Variants in CHORDC1 observed in about 807,000 individuals in gnomAD.
CHORDC1 encodes the protein cysteine and histidine-rich domain-containing protein 1.
A neutral mutation model predicts 48.3 loss-of-function variants in CHORDC1; 25 were observed. That is an observed-to-expected ratio of 0.52 (90% confidence interval 0.38 to 0.72). The LOEUF is 0.72. CHORDC1 is among the 30% of genes least tolerant of loss of function. The pLI, the probability that CHORDC1 is intolerant of heterozygous loss-of-function variation, is 0.00. For missense variants in CHORDC1, 317 were observed against 388.7 expected (o/e 0.82, Z 1.55); for synonymous variants, 128 against 126.4 (o/e 1.01, Z -0.09).
intron 9 of CHORDC1, 83 bp downstream of exon 9, chr11:90,203,225 T>A (rs1021613615): frequency 2.0e-5 from 26 of 1,299,996 alleles, no homozygotes; most frequent in African/African-American, 2.9e-5. Flanking sequence ...TCAGCTGAGA[T>A]ATAAACAATA....
chr11:90,219,724 T>G (rs952661340), intron 1 of CHORDC1, among the ~76,000 whole-genome samples: 6 of 152,226 alleles, frequency 3.9e-5, no homozygotes, highest in Admixed American at 6.5e-5. Flanking sequence ...GCTCTAAGGC[T>G]GTGAGACCCC....
At chr11:90,215,634 TTTAG>T (rs71307209) in intron 2 of CHORDC1, among the ~76,000 whole-genome samples, 2 of 151,344 alleles carry the variant, frequency 1.3e-5, no homozygotes, top group African/African-American at 2.4e-5. Context: ...AGTAACTATC[TTTAG>T]TTAATTTTAA....
At chr11:90,203,153 T>TA (rs1346694112) in intron 9 of CHORDC1, among the ~76,000 whole-genome samples, 155 bp downstream of exon 9, 8 of 152,162 alleles carry the variant, frequency 5.3e-5, no homozygotes, top group African/African-American at 1.9e-4. Context: ...TCATTTAAAA[T>TA]AGTTTCATAG....
At chr11:90,213,197 A>C (rs1175985668) in intron 4 of CHORDC1, 2 of 440,350 alleles carry the variant, frequency 4.5e-6, no homozygotes, top group Non-Finnish European at 8.1e-6. Context: ...AAACATCTAA[A>C]GTCTCTTAGG....
intron 6 of CHORDC1, among the ~76,000 whole-genome samples, chr11:90,210,213 T>C (rs1857821814): frequency 6.6e-6 from 1 of 152,224 alleles, no homozygotes; most frequent in African/African-American, 2.4e-5. Flanking sequence ...ACCTATTTGT[T>C]GCTCTTCTCC....
At chr11:90,203,751 C>G (rs1428176434) in intron 8 of CHORDC1, among the ~76,000 whole-genome samples, 1 of 152,078 alleles carries the variant, frequency 6.6e-6, no homozygotes, top group Non-Finnish European at 1.5e-5. Flanking sequence ...CATTCTGTAA[C>G]CTACTAAGTA....
intron 8 of CHORDC1, among the ~76,000 whole-genome samples, chr11:90,204,843 A>G (rs550044775): frequency 6.6e-6 from 1 of 152,310 alleles, no homozygotes; most frequent in Admixed American, 6.5e-5. Context: ...TTGAGCAATA[A>G]GTTGCTCATC....
At chr11:90,218,496 T>C (rs893383893) in intron 1 of CHORDC1, among the ~76,000 whole-genome samples, 3 of 152,180 alleles carry the variant, frequency 2.0e-5, no homozygotes, top group African/African-American at 7.2e-5. Flanking sequence ...CCCCCAAATT[T>C]TGACCATCAT....
At chr11:90,222,783 G>A (rs771346805) in intron 1 of CHORDC1, 108 bp downstream of exon 1, 5 of 1,041,580 alleles carry the variant, frequency 4.8e-6, no homozygotes, top group South Asian at 4.1e-5. Context: ...ATGGACCTGG[G>A]GCCGCGCGAG....
At chr11:90,219,561 G>A (rs1476021440) in intron 1 of CHORDC1, among the ~76,000 whole-genome samples, 1 of 152,182 alleles carries the variant, frequency 6.6e-6, no homozygotes, top group Non-Finnish European at 1.5e-5. Context: ...CCCACCCAGG[G>A]CGGAAAAACA....
chr11:90,210,546 C>G lies in CHORDC1; in HGVS notation c.482G>C (p.Gly161Ala). 6.3e-7 allele frequency: 1 copy of G among 1,589,284 alleles called. No homozygotes were observed. The highest frequency in any genetic ancestry group is 8.6e-7 in the Non-Finnish European group (1 of 1,159,936). ...IKIGTSCKNG[G>A]CSKTYQGLES... ...TCTTGTGATATATACCTTTGAACAC[C>G]CTCCATTCTTACATGAGGTCCCAAT... Residue 161 changes from glycine (G) to alanine (A), a missense_variant, in exon 6 of 11, where the codon GGG becomes GCG. Transcript: ENST00000320585.
chr11:90,206,146 G>T, intron 7 of CHORDC1, 56 bp downstream of exon 7: 1 of 1,046,100 alleles, frequency 9.6e-7, no homozygotes, highest in Non-Finnish European at 1.5e-6. Context: ...AAGACAGAAA[G>T]GTTTAACTTT....
At chr11:90,210,827 T>C in intron 5 of CHORDC1, 1 of 441,892 alleles carries the variant, frequency 2.3e-6, no homozygotes, top group Non-Finnish European at 4.0e-6. Context: ...ATATCCAGTA[T>C]CTTAACTTTG....
At chr11:90,206,827 A>G (rs762000185) in intron 6 of CHORDC1, 5 of 1,247,264 alleles carry the variant, frequency 4.0e-6, no homozygotes, top group Non-Finnish European at 5.3e-6. Flanking sequence ...ATGAATTCAC[A>G]AAAAATTATG....
rs1430177877 is a variant in CHORDC1 at position 90,201,916 on chromosome 11, T to C, written c.*489A>G. The C allele has an allele frequency of 2.0e-5, 3 of 152,322 alleles. No homozygotes were observed. Among genetic ancestry groups the C allele is most frequent in the African/African-American group, 7.2e-5 (3 of 41,422 alleles). The allele number at this position is 152,322 out of a possible 1,614,324, so 9.4% of individuals were successfully genotyped here. ...ATACTACCTCAGAATTAATCCTCCT[T>C]AAAAAAGTAATCATCCCACATAGAA... is the stretch of plus-strand genomic sequence containing the variant. On this transcript the variant is annotated 3_prime_UTR_variant, in exon 11 of 11. Transcript: ENST00000320585.
chr11:90,218,708 C>G (rs1056948067), intron 1 of CHORDC1, among the ~76,000 whole-genome samples: 3 of 152,150 alleles, frequency 2.0e-5, no homozygotes, highest in Non-Finnish European at 4.4e-5. Flanking sequence ...ACAAACCTCA[C>G]TAAAAAGAAG....
At chr11:90,207,842 C>T (rs924634774) in intron 6 of CHORDC1, 13 of 145,404 alleles carry the variant, frequency 8.9e-5, no homozygotes, top group Admixed American at 2.1e-4. Context: ...GCCTCACATA[C>T]TGCTGGTAGA....
intron 5 of CHORDC1, 193 bp from the exon 6 acceptor site, chr11:90,210,787 A>G: frequency 1.8e-6 from 1 of 543,162 alleles, no homozygotes; most frequent in South Asian, 2.5e-5. Flanking sequence ...TCAACAATGC[A>G]GGACACAATT....
At chr11:90,207,736 T>TAC (rs1435096957) in intron 6 of CHORDC1, 1 of 84,446 alleles carries the variant, frequency 1.2e-5, no homozygotes, top group Non-Finnish European at 2.2e-5. Context: ...CAAAACACTA[T>TAC]ACACACACTA....
Sources: gnomAD v4.1 joint callset for allele counts (sites outside exome capture counted in the v4.1 genomes callset) on GRCh38, gnomAD v4.1.1 for gene constraint, MANE v1.5 for transcripts, NCBI Gene and HGNC (gene_info 2026-07-23, HGNC 2026-07-21) for gene names.